Variants in CFAP299 observed in about 807,000 individuals in gnomAD.
CFAP299 encodes the protein cilia and flagella associated protein 299.
CFAP299 carries 21 observed loss-of-function variants against 27.0 expected under a neutral mutation model. That is an observed-to-expected ratio of 0.78 (90% CI 0.55 to 1.12). The LOEUF (loss-of-function observed/expected upper bound fraction) is 1.12, where lower values mean the gene tolerates loss of function less well. Among genes scored for constraint, CFAP299 ranks in the 50% most tolerant of loss-of-function variants. The pLI is 0.00. For synonymous variants in CFAP299, 104 were observed against 98.1 expected (o/e 1.06, Z -0.36); for missense variants, 310 against 276.6 (o/e 1.12, Z -0.86).
intron 3 of CFAP299, among the ~76,000 whole-genome samples, chr4:80,789,309 T>A (rs1727420500): frequency 6.6e-6 from 1 of 152,038 alleles, no homozygotes. Flanking sequence ...AATCTTATGT[T>A]GTAGTGACTT....
chr4:80,858,079 T>G (rs1257977936), intron 3 of CFAP299, among the ~76,000 whole-genome samples: 2 of 152,210 alleles, frequency 1.3e-5, no homozygotes, highest in Non-Finnish European at 2.9e-5. Flanking sequence ...TTGCCACAAT[T>G]TCAGCTCCTG....
At chr4:80,472,628 C>T (rs925319483) in intron 2 of CFAP299, among the ~76,000 whole-genome samples, 1 of 152,166 alleles carries the variant, frequency 6.6e-6, no homozygotes, top group Non-Finnish European at 1.5e-5. Context: ...AGGGAACTTA[C>T]ACGTAGGACA....
chr4:80,386,516 G>C (rs1308096930), intron 2 of CFAP299: 11 of 1,487,406 alleles, frequency 7.4e-6, no homozygotes, highest in African/African-American at 7.3e-5. Context: ...CGGTGGTGGG[G>C]GGGGGGGGTG....
At chr4:80,373,355 C>T (rs1035902079) in intron 2 of CFAP299, among the ~76,000 whole-genome samples, 2 of 152,024 alleles carry the variant, frequency 1.3e-5, no homozygotes, top group Admixed American at 6.5e-5. Context: ...TTTGTGTGTA[C>T]TCATTTGAGT....
At chr4:80,411,393 T>A (rs1463004790) in intron 2 of CFAP299, among the ~76,000 whole-genome samples, 1 of 152,154 alleles carries the variant, frequency 6.6e-6, no homozygotes, top group Non-Finnish European at 1.5e-5. Context: ...TGCTTAGAGT[T>A]AACTTATTCT....
intron 3 of CFAP299, among the ~76,000 whole-genome samples, chr4:80,813,626 A>G (rs1441890910): frequency 6.6e-6 from 1 of 152,066 alleles, no homozygotes; most frequent in Non-Finnish European, 1.5e-5. Flanking sequence ...GAGACAGAAC[A>G]TGAAGACTGA....
intron 2 of CFAP299, among the ~76,000 whole-genome samples, chr4:80,472,332 C>G (rs1335338783): frequency 1.3e-5 from 2 of 152,134 alleles, no homozygotes; most frequent in African/African-American, 4.8e-5. Context: ...TGAAAGAACT[C>G]TATAACACAA....
At chr4:80,528,586 G>T (rs1733309555) in intron 2 of CFAP299, among the ~76,000 whole-genome samples, 1 of 152,064 alleles carries the variant, frequency 6.6e-6, no homozygotes, top group African/African-American at 2.4e-5. Flanking sequence ...ATATTGAAAT[G>T]CTCATTACTT....
chr4:80,341,347 C>T (rs1722442284), intron 1 of CFAP299, among the ~76,000 whole-genome samples: 1 of 152,172 alleles, frequency 6.6e-6, no homozygotes, highest in Non-Finnish European at 1.5e-5. Flanking sequence ...AACCAGACTG[C>T]TTCTTTCAGT....
intron 2 of CFAP299, among the ~76,000 whole-genome samples, chr4:80,468,938 A>G (rs1729849231): frequency 6.6e-6 from 1 of 151,914 alleles, no homozygotes; most frequent in Admixed American, 6.6e-5. Flanking sequence ...TAATATTTCT[A>G]GGGGTCTCCT....
chr4:80,576,831 T>A (rs1735890351), intron 2 of CFAP299, among the ~76,000 whole-genome samples: 1 of 152,200 alleles, frequency 6.6e-6, no homozygotes, highest in Non-Finnish European at 1.5e-5. Flanking sequence ...ATTCTCTAAA[T>A]GTGAAATATA....
chr4:80,602,232 A>G (rs1410659429), intron 3 of CFAP299, among the ~76,000 whole-genome samples: 1 of 152,100 alleles, frequency 6.6e-6, no homozygotes. Flanking sequence ...AAAAAAAAAA[A>G]TTCAACAGGT....
chr4:80,331,811 T>C (rs1386255315), upstream of CFAP299, among the ~76,000 whole-genome samples: 1 of 152,082 alleles, frequency 6.6e-6, no homozygotes, highest in East Asian at 1.9e-4. Context: ...ATTATATAGA[T>C]AGAGGAACCA....
intron 2 of CFAP299, among the ~76,000 whole-genome samples, chr4:80,544,382 C>G (rs940473253): frequency 6.6e-6 from 1 of 151,946 alleles, no homozygotes; most frequent in Non-Finnish European, 1.5e-5. Context: ...ACATTTGGAA[C>G]ACAAACAGGC....
At chr4:80,915,880 A>G (rs745900541) in intron 4 of CFAP299, among the ~76,000 whole-genome samples, 4 of 152,036 alleles carry the variant, frequency 2.6e-5, no homozygotes, top group Non-Finnish European at 5.9e-5. Flanking sequence ...ATTTTTTAGC[A>G]TATTTATCAA....
chr4:80,816,981 G>A (rs1174018795), intron 3 of CFAP299, among the ~76,000 whole-genome samples: 1 of 152,148 alleles, frequency 6.6e-6, no homozygotes, highest in Non-Finnish European at 1.5e-5. Flanking sequence ...GCATGCTATT[G>A]TAGTTCCCAG....
chr4:80,883,799 A>G (rs951229867), intron 4 of CFAP299, among the ~76,000 whole-genome samples: 1 of 152,096 alleles, frequency 6.6e-6, no homozygotes, highest in African/African-American at 2.4e-5. Flanking sequence ...TTGAAGGGAG[A>G]GATAGCAATA....
intron 4 of CFAP299, among the ~76,000 whole-genome samples, chr4:80,902,449 TACATATATAC>T (rs1734953497): frequency 8.5e-6 from 1 of 117,406 alleles, no homozygotes; most frequent in Non-Finnish European, 1.6e-5. Context: ...TATATGGATA[TACATATATAC>T]ATATATGTAT....
At chr4:80,505,555 A>G (rs1455197111) in intron 2 of CFAP299, among the ~76,000 whole-genome samples, 1 of 152,196 alleles carries the variant, frequency 6.6e-6, no homozygotes, top group Non-Finnish European at 1.5e-5. Context: ...TAGCAATCAA[A>G]ATAGGTTCAA....
Sources: gnomAD v4.1 joint callset for allele counts (sites outside exome capture counted in the v4.1 genomes callset) on GRCh38, gnomAD v4.1.1 for gene constraint, MANE v1.5 for transcripts, NCBI Gene and HGNC (gene_info 2026-07-23, HGNC 2026-07-21) for gene names.